BCKDHB: variants seen among roughly 807,000 people sequenced by gnomAD.
BCKDHB encodes 2-oxoisovalerate dehydrogenase subunit beta, mitochondrial.
In BCKDHB, 41 loss-of-function variants were observed where a neutral mutation model predicts 48.5. The observed-to-expected ratio is 0.85, with a 90% CI of 0.66 to 1.10. The LOEUF (loss-of-function observed/expected upper bound fraction) is 1.10, where lower values mean the gene tolerates loss of function less well. BCKDHB is among the 50% of genes least tolerant of loss of function. The pLI is 0.00. For synonymous variants in BCKDHB, 201 were observed against 174.8 expected, an observed-to-expected ratio of 1.15 and a Z score of -1.18; for missense variants, 496 against 494.2, an observed-to-expected ratio of 1.00 and a Z score of -0.03.
At chr6:80,396,318 A>G in the BCKDHB span, among the ~76,000 whole-genome samples, 1 of 152,166 alleles carries the variant, frequency 6.6e-6, no homozygotes, top group African/African-American at 2.4e-5. Context: ...TTTAAAATGG[A>G]TGTATTTACC....
chr6:80,119,610 A>G (rs1430554932), intron 1 of BCKDHB, among the ~76,000 whole-genome samples: 2 of 152,204 alleles, frequency 1.3e-5, no homozygotes, highest in East Asian at 3.9e-4. Flanking sequence ...AGTGTGAGCC[A>G]TCACGCCTGG....
At chr6:80,218,920 T>A (rs2127855932) in intron 8 of BCKDHB, among the ~76,000 whole-genome samples, 1 of 152,324 alleles carries the variant, frequency 6.6e-6, no homozygotes, top group South Asian at 2.1e-4. Flanking sequence ...TCACCACTGT[T>A]GGGGGTAAGA....
intron 8 of BCKDHB, among the ~76,000 whole-genome samples, chr6:80,253,240 A>G (rs3812123): frequency 0.073 from 11,161 of 152,218 alleles, 587 homozygotes; most frequent in South Asian, 0.24. Flanking sequence ...AGACCAGTCT[A>G]GTCCTGTAAC....
At chr6:80,435,325 C>A in the BCKDHB span, among the ~76,000 whole-genome samples, 1 of 151,992 alleles carries the variant, frequency 6.6e-6, no homozygotes, top group Non-Finnish European at 1.5e-5. Flanking sequence ...TATTTAGGAG[C>A]CAATGTAAAG....
chr6:80,153,692 A>G (rs1172451499), intron 3 of BCKDHB, among the ~76,000 whole-genome samples: 1 of 152,132 alleles, frequency 6.6e-6, no homozygotes, highest in East Asian at 1.9e-4. Context: ...ATCTTATAAA[A>G]TGCTTTATGG....
At chr6:80,220,394 TC>T (rs1562148119) in intron 8 of BCKDHB, among the ~76,000 whole-genome samples, 4 of 139,172 alleles carry the variant, frequency 2.9e-5, no homozygotes, top group Non-Finnish European at 4.6e-5. Context: ...TATCTCTGTT[TC>T]TTTAGTAGTG....
Position 80,282,904 on chromosome 6 carries a change from C to T in BCKDHB, c.1038+9683C>T, listed in dbSNP as rs887082704. Among the ~76,000 whole-genome samples the T allele has an allele frequency of 2.0e-5, 3 of 151,946 alleles. 1 individual carries two copies. In the Middle Eastern group the frequency reaches 0.01, roughly 517 times the overall value. On this transcript the variant is annotated intron_variant, in intron 9 of 9. Transcript: ENST00000320393. ...TCCTAGTTGTTTTAAATTAAAAAAC[C>T]CATTTTGCTTATAAAGTTGTTTTGC... is the stretch of plus-strand genomic sequence containing the variant.
intron 6 of BCKDHB, among the ~76,000 whole-genome samples, chr6:80,174,256 T>C (rs1332258524): frequency 6.6e-6 from 1 of 152,190 alleles, no homozygotes; most frequent in Non-Finnish European, 1.5e-5. Flanking sequence ...GACTAATAAA[T>C]ATGGATGTAG....
intron 8 of BCKDHB, among the ~76,000 whole-genome samples, chr6:80,267,337 T>C (rs1033219926): frequency 6.6e-6 from 1 of 152,136 alleles, no homozygotes; most frequent in African/African-American, 2.4e-5. Flanking sequence ...TCATATAATA[T>C]TTTGCATTGT....
the BCKDHB span, among the ~76,000 whole-genome samples, chr6:80,366,503 A>G: frequency 0.28 from 43,129 of 152,188 alleles, 7,555 homozygotes; most frequent in East Asian, 0.54. Context: ...ATTTAAACTT[A>G]TAACCCAAGT....
rs112519190 is a variant in BCKDHB at position 80,276,694 on chromosome 6, G to T, written c.1038+3473G>T. Among the ~76,000 whole-genome samples, 87 of 151,182 alleles carry T rather than the reference G, an allele frequency of 5.8e-4. No homozygotes were observed. The East Asian group carries it at 0.011, about 19-fold the overall frequency. On this transcript the variant is annotated intron_variant, in intron 9 of 9. Coordinates refer to ENST00000320393, the MANE Select transcript of BCKDHB (RefSeq NM_183050.4). ...ATTCCTGCTACTTTTTTTTTTATAA[G>T]CCTATTTATTTTACCATTTTACAGA...
intron 8 of BCKDHB, among the ~76,000 whole-genome samples, chr6:80,240,642 T>C (rs1164485258): frequency 1.3e-5 from 2 of 152,214 alleles, no homozygotes; most frequent in Non-Finnish European, 2.9e-5. Flanking sequence ...CATTTCCTAA[T>C]TGAATACCCT....
At chr6:80,353,458 G>T in the BCKDHB span, among the ~76,000 whole-genome samples, 2 of 152,098 alleles carry the variant, frequency 1.3e-5, no homozygotes, top group East Asian at 3.8e-4. Context: ...AAATTTCCAT[G>T]TTTTCCTTAG....
At position 80,346,243 on chromosome 6, in the gene BCKDHB, G is replaced by C. The variant is rs760592574; in HGVS notation, c.*2439G>C. 2 of 152,140 alleles carry C rather than the reference G, an allele frequency of 1.3e-5. No homozygotes were observed. Among genetic ancestry groups the C allele is most frequent in the Non-Finnish European group, 2.9e-5 (2 of 68,028 alleles). The allele number at this position is 152,140 out of a possible 1,614,324, so 9.4% of individuals were successfully genotyped here. A position where few individuals can be genotyped will look rare whatever the true frequency, so the allele number is the denominator to read the frequency against. On this transcript the variant is annotated 3_prime_UTR_variant, in exon 10 of 10. Coordinates refer to ENST00000320393, the MANE Select transcript of BCKDHB (RefSeq NM_183050.4). ...ATCTGTAAATATTATGTGTGTGATA[G>C]TATTCAATAAAGTAAAATCAAATTG...
At position 80,310,784 on chromosome 6, in the gene BCKDHB, A is replaced by G. The variant is rs115560058; in HGVS notation, c.1039-32880A>G. On this transcript the variant is annotated intron_variant, in intron 9 of 9. Coordinates refer to ENST00000320393, the MANE Select transcript of BCKDHB (RefSeq NM_183050.4). ...TGTTGTTTTTTGATGTTTTAGTAGTAGCCATTCTGACTGGTGTCAGATGGT... is the reference window on the plus strand; with the variant it reads ...TGTTGTTTTTTGATGTTTTAGTAGTGGCCATTCTGACTGGTGTCAGATGGT... Among the ~76,000 whole-genome samples, 927 of 152,234 alleles carry G rather than the reference A, an allele frequency of 6.1e-3. 9 individuals carry two copies. The highest frequency in any genetic ancestry group is 0.021 in the African/African-American group (892 of 41,536).
chr6:80,394,025 A>C, the BCKDHB span, among the ~76,000 whole-genome samples: 30 of 152,236 alleles, frequency 2.0e-4, no homozygotes, highest in Admixed American at 1.9e-3. Context: ...TGACATCCTT[A>C]CTCCATTTAC....
At chr6:80,281,091 G>A (rs923369204) in intron 9 of BCKDHB, among the ~76,000 whole-genome samples, 2 of 151,946 alleles carry the variant, frequency 1.3e-5, no homozygotes, top group African/African-American at 4.8e-5. Context: ...CTGAAATGGG[G>A]ATGAAAATGT....
At chr6:80,161,140 A>T (rs1290304419) in intron 3 of BCKDHB, among the ~76,000 whole-genome samples, 1 of 152,146 alleles carries the variant, frequency 6.6e-6, no homozygotes, top group Admixed American at 6.5e-5. Flanking sequence ...ATTGATATAG[A>T]TTCCTTCTTG....
At chr6:80,293,274 A>G (rs566064035) in intron 9 of BCKDHB, among the ~76,000 whole-genome samples, 1 of 152,178 alleles carries the variant, frequency 6.6e-6, no homozygotes, top group Non-Finnish European at 1.5e-5. Context: ...ACATCCAGAT[A>G]TTTCCACACA....
Sources: allele counts gnomAD v4.1 joint callset (sites outside exome capture counted in the v4.1 genomes callset), GRCh38; gene constraint gnomAD v4.1.1; transcripts MANE v1.5; gene names NCBI Gene and HGNC (gene_info 2026-07-23, HGNC 2026-07-21).